The following SPNS3 variants were observed in gnomAD, a reference collection of about 807,000 sequenced individuals.
The protein encoded by SPNS3 is protein spinster homolog 3.
A neutral mutation model predicts 54.4 loss-of-function variants in SPNS3; 51 were observed. The ratio of observed to expected loss-of-function variants is 0.94; its 90% CI spans 0.75 to 1.18. The LOEUF is 1.18. Ranked by LOEUF, SPNS3 falls within the 50% of genes most tolerant of loss-of-function variation. SPNS3 has a pLI of 0.00. For missense variants in SPNS3, 669 were observed against 677.4 expected, an observed-to-expected ratio of 0.99 and a Z score of 0.14; for synonymous variants, 309 against 294.7, an observed-to-expected ratio of 1.05 and a Z score of -0.50.
chr17:4,474,646 C>T (rs1224139375), intron 8 of SPNS3, among the ~76,000 whole-genome samples: 3 of 152,080 alleles, frequency 2.0e-5, no homozygotes, highest in South Asian at 4.1e-4. Flanking sequence ...GAGAGGTGTG[C>T]GTGTACGCAC....
chr17:4,467,353 A>T (rs1034632077), intron 8 of SPNS3, among the ~76,000 whole-genome samples: 1 of 151,744 alleles, frequency 6.6e-6, no homozygotes, highest in Non-Finnish European at 1.5e-5. Context: ...AACAATGCCC[A>T]ATTATTTCTG....
In SPNS3 at chr17:4,448,323, C is replaced by G; in HGVS notation, c.770+20C>G. ...GAAAAAGTGAGTATCCCTGCTACCCCCTGCAAGGCACAGAAAAGCCCGTTT... is the reference window on the plus strand; with the variant it reads ...GAAAAAGTGAGTATCCCTGCTACCCGCTGCAAGGCACAGAAAAGCCCGTTT... On this transcript the variant is annotated intron_variant, in intron 6 of 11. Coordinates refer to ENST00000355530, the MANE Select transcript of SPNS3 (RefSeq NM_182538.5). The G allele has an allele frequency of 1.3e-6, 2 of 1,514,776 alleles. No individual in the cohort carries two copies. The highest frequency in any genetic ancestry group is 1.3e-5 in the South Asian group (1 of 77,672). 93.8% of individuals were successfully genotyped at this position (1,514,776 alleles called of 1,614,324 possible).
Position 4,447,752 on chromosome 17 carries a change from C to T in SPNS3, c.622-403C>T, listed in dbSNP as rs111900555. On this transcript the variant is annotated intron_variant, in intron 5 of 11. Transcript: ENST00000355530. ...GCAGAGGGGCCGCTAGGAGAGGATG[C>T]CAGGGCAGGACTGTGTGGCAGATGG... Among the ~76,000 whole-genome samples the T allele has an allele frequency of 8.5e-3, 1,292 of 152,218 alleles. 9 individuals carry two copies. Among genetic ancestry groups the T allele is most frequent in the African/African-American group, 0.028 (1,178 of 41,518 alleles).
chr17:4,445,191 A>G lies in SPNS3; in HGVS notation c.402+23A>G, dbSNP rs114246937. 2.6e-3 allele frequency: 4,074 copies of G among 1,580,510 alleles called. 84 individuals are homozygous for G. In the African/African-American group the frequency reaches 0.046, roughly 18 times the overall value. On this transcript the variant is annotated intron_variant, in intron 3 of 11. Coordinates refer to ENST00000355530, the MANE Select transcript of SPNS3 (RefSeq NM_182538.5). ...CGGGTACGTGTCCATGCCCCTGTCC[A>G]GGCCCCTGAGGCCCCTTCCCCACCT...
At chr17:4,450,369 C>CTCTCCCTA (rs1555529861) in intron 7 of SPNS3, among the ~76,000 whole-genome samples, 2 of 139,706 alleles carry the variant, frequency 1.4e-5, no homozygotes, top group African/African-American at 5.3e-5. Flanking sequence ...CTCTCTCTCT[C>CTCTCCCTA]CCTACCCCTC....
chr17:4,480,425 C>G (rs1327849101), intron 9 of SPNS3, among the ~76,000 whole-genome samples: 2 of 152,340 alleles, frequency 1.3e-5, no homozygotes, highest in South Asian at 2.1e-4. Context: ...CTTTTAGGCT[C>G]AGGGAGATTA....
intron 8 of SPNS3, among the ~76,000 whole-genome samples, chr17:4,457,102 C>T (rs1971335865): frequency 2.0e-5 from 3 of 152,184 alleles, no homozygotes; most frequent in Non-Finnish European, 2.9e-5. Flanking sequence ...GACAAAACTC[C>T]AACACCTGGC....
intron 11 of SPNS3, 142 bp from the exon 12 acceptor site, chr17:4,487,664 G>C: frequency 1.3e-6 from 1 of 764,852 alleles, no homozygotes; most frequent in Non-Finnish European, 2.3e-6. Context: ...TGGCATTGAA[G>C]GTGATGACAA....
At chr17:4,456,951 G>C (rs1427010656) in intron 8 of SPNS3, among the ~76,000 whole-genome samples, 1 of 152,174 alleles carries the variant, frequency 6.6e-6, no homozygotes, top group African/African-American at 2.4e-5. Context: ...CTGACTTCAA[G>C]TGATCTGCCT....
chr17:4,469,884 TA>T (rs1045660450), intron 8 of SPNS3, among the ~76,000 whole-genome samples: 1 of 152,000 alleles, frequency 6.6e-6, no homozygotes, highest in African/African-American at 2.4e-5. Flanking sequence ...TGGGAGACAC[TA>T]AAAAAACAAA....
chr17:4,471,282 T>C (rs1377165161), intron 8 of SPNS3, among the ~76,000 whole-genome samples: 11 of 152,130 alleles, frequency 7.2e-5, no homozygotes, highest in Admixed American at 7.2e-4. Flanking sequence ...CACATTTAAG[T>C]AGATTCAATG....
At chr17:4,473,972 C>A (rs575785367) in intron 8 of SPNS3, among the ~76,000 whole-genome samples, 17 of 150,942 alleles carry the variant, frequency 1.1e-4, no homozygotes, top group Non-Finnish European at 2.2e-4. Flanking sequence ...CTTGGATAAG[C>A]CCTTTCTACC....
intron 3 of SPNS3, 29 bp downstream of exon 3, chr17:4,445,197 C>G: frequency 6.3e-7 from 1 of 1,582,928 alleles, no homozygotes; most frequent in Middle Eastern, 1.7e-4. Context: ...GTCCAGGCCC[C>G]TGAGGCCCCT....
intron 8 of SPNS3, among the ~76,000 whole-genome samples, chr17:4,457,661 C>T (rs1205762506): frequency 2.6e-5 from 4 of 152,156 alleles, no homozygotes; most frequent in Non-Finnish European, 4.4e-5. Context: ...GGGCTGGGGG[C>T]CCCCTGCCAG....
At chr17:4,463,137 G>A (rs1466940337) in intron 8 of SPNS3, among the ~76,000 whole-genome samples, 1 of 152,018 alleles carries the variant, frequency 6.6e-6, no homozygotes, top group Non-Finnish European at 1.5e-5. Flanking sequence ...AGTGGCTTAC[G>A]CCTGTAATCC....
At chr17:4,479,043 A>G (rs1972087476) in intron 9 of SPNS3, among the ~76,000 whole-genome samples, 1 of 152,114 alleles carries the variant, frequency 6.6e-6, no homozygotes, top group Non-Finnish European at 1.5e-5. Flanking sequence ...CCTGGGTTCA[A>G]CTGATTCTTC....
chr17:4,464,837 G>T (rs1294688656), intron 8 of SPNS3, among the ~76,000 whole-genome samples: 2 of 151,932 alleles, frequency 1.3e-5, no homozygotes, highest in Non-Finnish European at 2.9e-5. Context: ...CCACCACTAT[G>T]CCCGGCTGAC....
chr17:4,458,225 G>A (rs1007181970), intron 8 of SPNS3, among the ~76,000 whole-genome samples: 7 of 152,080 alleles, frequency 4.6e-5, no homozygotes, highest in African/African-American at 1.4e-4. Flanking sequence ...CCTGGTCTCC[G>A]TGTCTTCCTG....
chr17:4,456,309 G>C (rs2088167), intron 8 of SPNS3, among the ~76,000 whole-genome samples: 27,651 of 152,034 alleles, frequency 0.18, 2,731 homozygotes, highest in African/African-American at 0.25. Context: ...GCAAGCAGTG[G>C]GGGGCCAAAT....
Sources: allele counts gnomAD v4.1 joint callset (sites outside exome capture counted in the v4.1 genomes callset), GRCh38; gene constraint gnomAD v4.1.1; transcripts MANE v1.5; gene names NCBI Gene and HGNC (gene_info 2026-07-23, HGNC 2026-07-21).